CELF1: variants seen among roughly 807,000 people sequenced by gnomAD.
CELF1 encodes the protein CUGBP Elav-like family member 1.
In CELF1, 10 loss-of-function variants were observed where a neutral mutation model predicts 61.8. That is an observed-to-expected ratio of 0.16 (90% confidence interval 0.10 to 0.27). The LOEUF is 0.27. CELF1 is among the 10% of genes least tolerant of loss of function. The probability of loss-of-function intolerance (pLI) is 1.00; values close to 1 mark genes in which losing one functional copy is unlikely to be tolerated. For missense variants in CELF1, 380 were observed against 639.1 expected, an observed-to-expected ratio of 0.59 and a Z score of 4.37; for synonymous variants, 236 against 225.1, an observed-to-expected ratio of 1.05 and a Z score of -0.43.
At position 47,474,661 on chromosome 11, in the gene CELF1, A is replaced by G. The variant is rs74361943; in HGVS notation, c.1273+675T>C. Among the ~76,000 whole-genome samples, 868 of 152,334 alleles carry G rather than the reference A, an allele frequency of 5.7e-3. 8 individuals carry two copies. Among genetic ancestry groups the G allele is most frequent in the African/African-American group, 0.02 (833 of 41,570 alleles). ...TGAACCAGGACTTTCTGCTGTGACA[A>G]GAGGACACTCATCTTTTTCCTACAT... On this transcript the variant is annotated intron_variant, in intron 13 of 14. Coordinates refer to ENST00000687097, the MANE Select transcript of CELF1 (RefSeq NM_001376376.1).
At chr11:47,502,732 T>C (rs1430702076) in intron 1 of CELF1, among the ~76,000 whole-genome samples, 2 of 152,166 alleles carry the variant, frequency 1.3e-5, no homozygotes, top group Non-Finnish European at 2.9e-5. Flanking sequence ...CTCGGGAGGC[T>C]GAGGCAGGAG....
At chr11:47,535,414 C>A (rs1437773491) in intron 1 of CELF1, among the ~76,000 whole-genome samples, 1 of 152,028 alleles carries the variant, frequency 6.6e-6, no homozygotes, top group Non-Finnish European at 1.5e-5. Context: ...CGAGATGGCT[C>A]ACACCTGTAA....
At chr11:47,498,863 T>C (rs1267932004) in intron 3 of CELF1, among the ~76,000 whole-genome samples, 1 of 152,136 alleles carries the variant, frequency 6.6e-6, no homozygotes, top group African/African-American at 2.4e-5. Flanking sequence ...TTTTGCTTTT[T>C]TTGGAGGGTA....
At chr11:47,477,502 T>C (rs2080799909) in intron 10 of CELF1, 77 bp from the exon 11 acceptor site, 3 of 1,487,152 alleles carry the variant, frequency 2.0e-6, no homozygotes, top group Non-Finnish European at 2.8e-6. Context: ...AAGCACACAC[T>C]GGCAGAGGGC....
intron 1 of CELF1, among the ~76,000 whole-genome samples, chr11:47,533,678 C>T (rs955589483): frequency 2.8e-5 from 4 of 141,966 alleles, no homozygotes; most frequent in Non-Finnish European, 6.3e-5. Context: ...AGCATGGTGG[C>T]GGGCACTTGC....
At chr11:47,534,886 C>A (rs2096589546) in intron 1 of CELF1, among the ~76,000 whole-genome samples, 1 of 152,116 alleles carries the variant, frequency 6.6e-6, no homozygotes, top group African/African-American at 2.4e-5. Flanking sequence ...ACTCAGTTCC[C>A]TGGAGACCCA....
At chr11:47,525,248 A>G (rs974837410) in intron 1 of CELF1, among the ~76,000 whole-genome samples, 1 of 152,170 alleles carries the variant, frequency 6.6e-6, no homozygotes, top group Non-Finnish European at 1.5e-5. Context: ...TAATTTTTAA[A>G]ATCTATGTCT....
At chr11:47,484,963 C>A (rs931702513) in intron 6 of CELF1, among the ~76,000 whole-genome samples, 2 of 152,178 alleles carry the variant, frequency 1.3e-5, no homozygotes, top group African/African-American at 4.8e-5. Context: ...CAGGTGTGAC[C>A]CACCACGCCC....
intron 1 of CELF1, among the ~76,000 whole-genome samples, chr11:47,512,119 T>C (rs913041643): frequency 3.3e-5 from 5 of 151,898 alleles, no homozygotes; most frequent in Admixed American, 1.3e-4. Context: ...CAGAGTAAGC[T>C]AGGATTACAG....
intron 12 of CELF1, among the ~76,000 whole-genome samples, chr11:47,476,068 T>C (rs368948641): frequency 6.6e-5 from 10 of 151,410 alleles, no homozygotes; most frequent in Admixed American, 5.3e-4. Flanking sequence ...GGTACAATCA[T>C]AGCTCACTGC....
At position 47,545,613 on chromosome 11, in the gene CELF1, G is replaced by C. The variant is rs190834563; in HGVS notation, c.-154+7379C>G. ...TGAATCTGAAGTCTTACAGCATAAA[G>C]TTTGCCTAGCTGCCAGAGACCTTAT... On this transcript the variant is annotated intron_variant, in intron 1 of 14. Transcript: ENST00000687097. 2.6e-5 allele frequency among the ~76,000 whole-genome samples: 4 copies of C among 152,174 alleles called. No homozygotes were observed. The East Asian group carries it at 7.7e-4, about 29-fold the overall frequency.
chr11:47,545,960 G>A (rs2096934795), intron 1 of CELF1, among the ~76,000 whole-genome samples: 1 of 150,464 alleles, frequency 6.6e-6, no homozygotes, highest in Non-Finnish European at 1.5e-5. Flanking sequence ...ACCCAGGCTG[G>A]AGTGCAGTGG....
At chr11:47,503,105 G>T (rs1344552250) in intron 1 of CELF1, among the ~76,000 whole-genome samples, 1 of 152,196 alleles carries the variant, frequency 6.6e-6, no homozygotes, top group Non-Finnish European at 1.5e-5. Flanking sequence ...GTGAAGGTAG[G>T]AGTAGTCAGC....
chr11:47,536,207 A>G (rs775676524), intron 1 of CELF1, among the ~76,000 whole-genome samples: 1 of 152,086 alleles, frequency 6.6e-6, no homozygotes, highest in Non-Finnish European at 1.5e-5. Flanking sequence ...CATCTCTACT[A>G]AAAATAGAAA....
intron 1 of CELF1, among the ~76,000 whole-genome samples, chr11:47,539,940 T>G (rs938385019): frequency 2.0e-5 from 3 of 152,256 alleles, no homozygotes; most frequent in Admixed American, 1.3e-4. Context: ...GTTCTCTGAA[T>G]GTAGGTGACT....
At chr11:47,482,896 C>A in intron 8 of CELF1, 40 bp from the exon 9 acceptor site, 1 of 1,576,718 alleles carries the variant, frequency 6.3e-7, no homozygotes. Flanking sequence ...ATTCCTCCAT[C>A]TGAAAAGAAG....
chr11:47,489,356 A>G (rs936201194), intron 3 of CELF1, among the ~76,000 whole-genome samples: 1 of 152,226 alleles, frequency 6.6e-6, no homozygotes, highest in Admixed American at 6.5e-5. Context: ...TCAAGTTTTA[A>G]TAACTTTTAA....
chr11:47,494,558 TCTC>T (rs2092685306), intron 3 of CELF1: 1 of 883,244 alleles, frequency 1.1e-6, no homozygotes, highest in Non-Finnish European at 1.4e-6. Context: ...CTCTTCTCTT[TCTC>T]CTTTCTTTTC....
chr11:47,553,696 A>G (rs1399762505), upstream of CELF1, among the ~76,000 whole-genome samples: 2 of 152,086 alleles, frequency 1.3e-5, no homozygotes, highest in Admixed American at 6.6e-5. Context: ...TAGCAAGATA[A>G]TCAGTGTGAA....
Sources: gnomAD v4.1 joint callset for allele counts (sites outside exome capture counted in the v4.1 genomes callset) on GRCh38, gnomAD v4.1.1 for gene constraint, MANE v1.5 for transcripts, NCBI Gene and HGNC (gene_info 2026-07-23, HGNC 2026-07-21) for gene names.